RSBN1L: variants seen among roughly 807,000 people sequenced by gnomAD.
RSBN1L encodes the protein round spermatid basic protein 1 like.
A neutral mutation model predicts 67.7 loss-of-function variants in RSBN1L; 30 were observed. The ratio of observed to expected loss-of-function variants is 0.44; its 90% CI spans 0.33 to 0.60. The LOEUF (loss-of-function observed/expected upper bound fraction) is 0.60, where lower values mean the gene tolerates loss of function less well. RSBN1L is among the 20% of genes least tolerant of loss of function. The pLI is 0.02. For synonymous variants in RSBN1L, 433 were observed against 387.0 expected (o/e 1.12, Z -1.39); for missense variants, 992 against 1,031.7 (o/e 0.96, Z 0.53).
chr7:77,707,215 G>C (rs1219203654), intron 1 of RSBN1L, among the ~76,000 whole-genome samples: 1 of 151,978 alleles, frequency 6.6e-6, no homozygotes, highest in Non-Finnish European at 1.5e-5. Context: ...GTAGAGACAG[G>C]GTTCCACCAT....
rs1394136749 is a variant in RSBN1L, at chr7:77,696,965, A to G, written c.496A>G (p.Lys166Glu). Reference sequence around the variant, plus strand: ...GCGCAGACCTAAGGAGAAGCGGGAGAAGGAGAGGAGGAGGCACGGTCTCGG... The same window carrying G: ...GCGCAGACCTAAGGAGAAGCGGGAGGAGGAGAGGAGGAGGCACGGTCTCGG... ...KSRRPKEKRE[K>E]ERRRHGLGGA... The change falls in exon 1 of 8, where the codon AAG becomes GAG. Residue 166 changes from lysine (K) to glutamate (E), a missense_variant. Lys to Glu is a moderately conservative substitution (Grantham distance 56, BLOSUM62 1). This residue lies in a region of RSBN1L where 575 missense variants were observed against 483.2 expected (regional missense o/e 1.19). Transcript: ENST00000334955. 2.5e-6 allele frequency: 4 copies of G among 1,573,494 alleles called. No individual in the cohort carries two copies. Among genetic ancestry groups the G allele is most frequent in the Non-Finnish European group, 3.4e-6 (4 of 1,167,944 alleles).
chr7:77,756,650 C>T (rs960277544), intron 3 of RSBN1L, among the ~76,000 whole-genome samples: 3 of 151,668 alleles, frequency 2.0e-5, no homozygotes, highest in South Asian at 2.1e-4. Flanking sequence ...TGGTGGTGGG[C>T]GCCTGTAGTC....
At chr7:77,731,938 G>A (rs759450228) in intron 1 of RSBN1L, among the ~76,000 whole-genome samples, 1 of 151,878 alleles carries the variant, frequency 6.6e-6, no homozygotes, top group Non-Finnish European at 1.5e-5. Flanking sequence ...TTGTATTTAA[G>A]TGGATCTGTT....
At chr7:77,761,451 G>A (rs1030588845) in intron 3 of RSBN1L, among the ~76,000 whole-genome samples, 7 of 152,096 alleles carry the variant, frequency 4.6e-5, no homozygotes, top group African/African-American at 1.4e-4. Flanking sequence ...TGAGTTCTTC[G>A]CAGTCTGGCA....
intron 6 of RSBN1L, among the ~76,000 whole-genome samples, chr7:77,774,355 G>A (rs1791884350): frequency 6.6e-6 from 1 of 152,140 alleles, no homozygotes; most frequent in Admixed American, 6.5e-5. Flanking sequence ...GGGAGGCCGA[G>A]GTGGGTGGGA....
At chr7:77,702,454 T>G (rs1790831115) in intron 1 of RSBN1L, among the ~76,000 whole-genome samples, 1 of 152,216 alleles carries the variant, frequency 6.6e-6, no homozygotes, top group Non-Finnish European at 1.5e-5. Flanking sequence ...CTGTTTGTTT[T>G]GGTTGCTTTC....
intron 1 of RSBN1L, among the ~76,000 whole-genome samples, chr7:77,710,660 A>T (rs535124481): frequency 6.6e-6 from 1 of 151,920 alleles, no homozygotes; most frequent in South Asian, 2.1e-4. Flanking sequence ...TAGTGGCGCG[A>T]TCTTGGCTCA....
At chr7:77,711,005 A>G (rs1325901628) in intron 1 of RSBN1L, among the ~76,000 whole-genome samples, 2 of 152,156 alleles carry the variant, frequency 1.3e-5, no homozygotes, top group Admixed American at 1.3e-4. Context: ...CTGGATACAT[A>G]TTTGGGAACT....
intron 1 of RSBN1L, among the ~76,000 whole-genome samples, chr7:77,708,673 C>T (rs1235641331): frequency 2.0e-5 from 3 of 152,154 alleles, no homozygotes; most frequent in East Asian, 1.9e-4. Context: ...TGAGCCACCG[C>T]GCCCAGCCGA....
chr7:77,730,423 C>A (rs960534690), intron 1 of RSBN1L, among the ~76,000 whole-genome samples: 2 of 152,176 alleles, frequency 1.3e-5, no homozygotes, highest in African/African-American at 2.4e-5. Flanking sequence ...CAAAGTCTAT[C>A]ATTTACATTA....
At chr7:77,731,249 G>T (rs976914162) in intron 1 of RSBN1L, among the ~76,000 whole-genome samples, 5 of 151,900 alleles carry the variant, frequency 3.3e-5, no homozygotes, top group African/African-American at 1.2e-4. Context: ...GGTCTCACTC[G>T]TTCATCCAGG....
At chr7:77,703,589 A>G (rs939135446) in intron 1 of RSBN1L, among the ~76,000 whole-genome samples, 5 of 143,284 alleles carry the variant, frequency 3.5e-5, no homozygotes, top group African/African-American at 2.6e-5. Flanking sequence ...CCCAAGTTCA[A>G]GCGATTCTCC....
chr7:77,751,174 G>A (rs1791551872), intron 3 of RSBN1L, among the ~76,000 whole-genome samples: 1 of 150,450 alleles, frequency 6.6e-6, no homozygotes, highest in Non-Finnish European at 1.5e-5. Flanking sequence ...TGTTTTTTGA[G>A]ATGGAGTCAG....
chr7:77,702,624 G>T (rs1395328374), intron 1 of RSBN1L, among the ~76,000 whole-genome samples: 2 of 152,082 alleles, frequency 1.3e-5, no homozygotes, highest in Admixed American at 1.3e-4. Context: ...GTCTCTTTGT[G>T]GGTGGAATGA....
intron 5 of RSBN1L, among the ~76,000 whole-genome samples, chr7:77,771,132 G>C (rs1373007697): frequency 1.3e-5 from 2 of 152,138 alleles, no homozygotes; most frequent in Admixed American, 1.3e-4. Flanking sequence ...AGTAGAGATG[G>C]TGTTTCACCA....
rs137991266 is a variant in RSBN1L, at chr7:77,748,952, T to C, written c.704-472T>C. On this transcript the variant is annotated intron_variant, in intron 2 of 7. Coordinates refer to ENST00000334955, the MANE Select transcript of RSBN1L (RefSeq NM_198467.3). ...CTCTCTCTCTCTGTCTCTCTCTCGCTGTGTACATGAAGAGACTGGCTGGCT... is the reference window on the plus strand; with the variant it reads ...CTCTCTCTCTCTGTCTCTCTCTCGCCGTGTACATGAAGAGACTGGCTGGCT... Among the ~76,000 whole-genome samples the C allele has an allele frequency of 1.1e-4, 16 of 152,256 alleles. 1 individual carries two copies. Among genetic ancestry groups the C allele is most frequent in the Non-Finnish European group, 1.8e-4 (12 of 68,002 alleles).
At chr7:77,743,459 GTTTTGT>G (rs1427203650) in intron 2 of RSBN1L, among the ~76,000 whole-genome samples, 1 of 92,726 alleles carries the variant, frequency 1.1e-5, no homozygotes, top group Non-Finnish European at 2.0e-5. Flanking sequence ...AAATAAGTTG[GTTTTGT>G]TTTTTTTTTT....
chr7:77,730,497 C>G (rs1441615393), intron 1 of RSBN1L, among the ~76,000 whole-genome samples: 1 of 152,136 alleles, frequency 6.6e-6, no homozygotes, highest in African/African-American at 2.4e-5. Context: ...CATGTATCCA[C>G]CATACACCAC....
At chr7:77,739,971 C>G (rs1007833717) in intron 2 of RSBN1L, among the ~76,000 whole-genome samples, 4 of 150,986 alleles carry the variant, frequency 2.6e-5, no homozygotes, top group African/African-American at 7.3e-5. Context: ...AGGCTGATGG[C>G]GAACTCCTGA....
Sources: allele counts gnomAD v4.1 joint callset (sites outside exome capture counted in the v4.1 genomes callset), GRCh38; gene constraint gnomAD v4.1.1; regional missense constraint gnomAD v4.1.1; transcripts MANE v1.5; gene names NCBI Gene and HGNC (gene_info 2026-07-23, HGNC 2026-07-21).